The following WRNIP1 variants were observed in gnomAD, a reference collection of about 807,000 sequenced individuals.
WRNIP1 encodes ATPase WRNIP1.
WRNIP1 carries 41 observed loss-of-function variants against 56.1 expected under a neutral mutation model. That is an observed-to-expected ratio of 0.73 (90% CI 0.57 to 0.95). WRNIP1 has a LOEUF of 0.95. Ranked by LOEUF, WRNIP1 falls within the 40% of genes least tolerant of loss-of-function variation. The pLI, the probability that WRNIP1 is intolerant of heterozygous loss-of-function variation, is 0.00. For synonymous variants in WRNIP1, 547 were observed against 398.1 expected (o/e 1.37, Z -4.45); for missense variants, 1,170 against 939.4 (o/e 1.25, Z -3.21).
intron 1 of WRNIP1, 131 bp downstream of exon 1, chr6:2,766,575 G>A: frequency 1.4e-6 from 2 of 1,385,066 alleles, no homozygotes; most frequent in Non-Finnish European, 1.9e-6. Flanking sequence ...TGCAGACTTG[G>A]GCTGGGCTGG....
At chr6:2,770,884 G>T (rs941141056) in intron 3 of WRNIP1, among the ~76,000 whole-genome samples, 2 of 151,950 alleles carry the variant, frequency 1.3e-5, no homozygotes, top group Non-Finnish European at 2.9e-5. Context: ...TTGAAACTCA[G>T]TTTCATGAAA....
intron 1 of WRNIP1, among the ~76,000 whole-genome samples, chr6:2,767,495 C>T (rs1205089427): frequency 2.0e-5 from 3 of 152,204 alleles, no homozygotes; most frequent in East Asian, 1.9e-4. Flanking sequence ...AATGAATTGC[C>T]CTTTTTGTGC....
chr6:2,765,949 G>A lies in WRNIP1; in HGVS notation c.327G>A (p.Glu109=), dbSNP rs1029718497. ...ACGGCGGCGAGACCGAGAGCCGCGAGAGCTACGACGCGCCGCCCACACCCA... is the reference window on the plus strand; with the variant it reads ...ACGGCGGCGAGACCGAGAGCCGCGAAAGCTACGACGCGCCGCCCACACCCA... ...GDDGGETESR[E]SYDAPPTPSG... The change falls in exon 1 of 7, where the codon GAG becomes GAA. Residue 109 remains glutamate, a synonymous_variant. Coordinates refer to ENST00000380773, the MANE Select transcript of WRNIP1 (RefSeq NM_020135.3). 4.9e-6 allele frequency: 7 copies of A among 1,438,112 alleles called. No homozygotes were observed. The highest frequency in any genetic ancestry group is 6.4e-6 in the Non-Finnish European group (7 of 1,095,804). 89.1% of individuals were successfully genotyped at this position (1,438,112 alleles called of 1,614,324 possible).
intron 4 of WRNIP1, among the ~76,000 whole-genome samples, chr6:2,781,526 AG>A (rs1428599446): frequency 1.3e-5 from 2 of 152,210 alleles, no homozygotes; most frequent in African/African-American, 4.8e-5. Flanking sequence ...TTATAACTCC[AG>A]TGAGACAAAG....
Position 2,765,896 on chromosome 6 carries a change from A to AGCGAGG in WRNIP1, c.282_287dup (p.Gly96_Glu97dup), listed in dbSNP as rs1249654440. 7 of 1,455,514 alleles carry AGCGAGG rather than the reference A, an allele frequency of 4.8e-6. No individual in the cohort carries two copies. The highest frequency in any genetic ancestry group is 3.0e-5 in the East Asian group (1 of 33,130). The allele number at this position is 1,455,514 out of a possible 1,614,324, so 90.2% of individuals were successfully genotyped here. ...AGCCACCCCGACGGCAGCCGAGAGCAGCGAGGGCGAGGGTGAGGAGGGCGA... is the reference window on the plus strand; with the variant it reads ...AGCCACCCCGACGGCAGCCGAGAGCAGCGAGGGCGAGGGCGAGGGTGAGGAGGGCGA... On this transcript the variant is annotated inframe_insertion, in exon 1 of 7. Transcript: ENST00000380773.
chr6:2,775,645 T>A (rs1765413744), intron 3 of WRNIP1, among the ~76,000 whole-genome samples: 1 of 152,292 alleles, frequency 6.6e-6, no homozygotes, highest in East Asian at 1.9e-4. Context: ...TATTACCCAA[T>A]GTGTAGAAAG....
chr6:2,779,771 A>G (rs1289044622), intron 4 of WRNIP1, among the ~76,000 whole-genome samples: 1 of 152,242 alleles, frequency 6.6e-6, no homozygotes, highest in Non-Finnish European at 1.5e-5. Flanking sequence ...GTAGTTGGCT[A>G]TTCCCCACCT....
chr6:2,771,195 T>C (rs1481878399), intron 3 of WRNIP1, among the ~76,000 whole-genome samples: 1 of 152,226 alleles, frequency 6.6e-6, no homozygotes, highest in East Asian at 1.9e-4. Context: ...GAGGCCAAGT[T>C]CTGGAGCCAC....
At chr6:2,781,854 G>A (rs1308058788) in intron 4 of WRNIP1, among the ~76,000 whole-genome samples, 2 of 152,280 alleles carry the variant, frequency 1.3e-5, no homozygotes, top group African/African-American at 2.4e-5. Context: ...AAGTGGTCTC[G>A]TTTTTCCCAT....
At chr6:2,770,450 G>C in intron 3 of WRNIP1, 89 bp downstream of exon 3, 1 of 1,546,960 alleles carries the variant, frequency 6.5e-7, no homozygotes, top group Non-Finnish European at 8.7e-7. Flanking sequence ...CGTCAGTGAG[G>C]AGAGGGTGGG....
intron 1 of WRNIP1, among the ~76,000 whole-genome samples, chr6:2,768,111 G>A (rs1765107944): frequency 6.6e-6 from 1 of 152,196 alleles, no homozygotes; most frequent in Non-Finnish European, 1.5e-5. Flanking sequence ...TCTAGTAATT[G>A]CTAATGTGAC....
At chr6:2,783,255 G>A in intron 4 of WRNIP1, 151 bp from the exon 5 acceptor site, 2 of 752,418 alleles carry the variant, frequency 2.7e-6, no homozygotes, top group Non-Finnish European at 3.9e-6. Context: ...ACCCCACTCA[G>A]AGCACGGTTA....
intron 1 of WRNIP1, among the ~76,000 whole-genome samples, chr6:2,767,796 G>C (rs1765091728): frequency 6.6e-6 from 1 of 152,186 alleles, no homozygotes; most frequent in Non-Finnish European, 1.5e-5. Context: ...GGTTTGGGTG[G>C]TCCAGGCTGC....
At chr6:2,766,518 G>C in intron 1 of WRNIP1, 74 bp downstream of exon 1, 2 of 1,432,256 alleles carry the variant, frequency 1.4e-6, no homozygotes, top group Non-Finnish European at 1.8e-6. Context: ...GGAGAGCCGG[G>C]TGTGCTGCCC....
intron 1 of WRNIP1, among the ~76,000 whole-genome samples, chr6:2,767,255 C>G (rs552223800): frequency 2.6e-5 from 4 of 152,238 alleles, no homozygotes; most frequent in African/African-American, 9.6e-5. Flanking sequence ...AGCCAGAAAA[C>G]AGAGAAAGCT....
rs201830012 is a variant in WRNIP1, at chr6:2,765,593, C to T, written c.-30C>T. On this transcript the variant is annotated 5_prime_UTR_variant, in exon 1 of 7. Transcript: ENST00000380773. ...GCGTGCGCACGGGTTGCTGCGGCCG[C>T]GCCGGGCGCCGGGGAGGGCGGCGGC... 1.1e-3 allele frequency: 1,609 copies of T among 1,471,762 alleles called. 13 individuals carry two copies. In the African/African-American group the frequency reaches 0.019, roughly 18 times the overall value. The allele number at this position is 1,471,762 out of a possible 1,614,324, so 91.2% of individuals were successfully genotyped here. A position where few individuals can be genotyped will look rare whatever the true frequency, so the allele number is the denominator to read the frequency against.
chr6:2,766,141 T>A lies in WRNIP1; in HGVS notation c.519T>A (p.Asp173Glu). The A allele has an allele frequency of 8.1e-7, 1 of 1,241,282 alleles. No homozygotes were observed. Among genetic ancestry groups the A allele is most frequent in the Non-Finnish European group, 1.0e-6 (1 of 971,028 alleles). 76.9% of individuals were successfully genotyped at this position (1,241,282 alleles called of 1,614,324 possible). A position where few individuals can be genotyped will look rare whatever the true frequency, so the allele number is the denominator to read the frequency against. The change falls in exon 1 of 7, where the codon GAT (aspartate) becomes GAA (glutamate). Residue 173 changes from aspartate to glutamate, a missense_variant. Transcript: ENST00000380773. Reference protein sequence around the residue: ...QEEEEAVGDGDGDGDADADGE... With the variant: ...QEEEEAVGDGEGDGDADADGE... ...AGGAGGAGGCCGTGGGCGACGGCGA[T>A]GGCGACGGGGACGCGGACGCGGACG...
chr6:2,768,805 C>G lies in WRNIP1; in HGVS notation c.937C>G (p.Gln313Glu), dbSNP rs1399792053. 5 of 1,613,702 alleles carry G rather than the reference C, an allele frequency of 3.1e-6. No individual in the cohort carries two copies. Among genetic ancestry groups the G allele is most frequent in the Non-Finnish European group, 4.2e-6 (5 of 1,179,844 alleles). ...TGTGCGAGATGTCATAAAACAAGCTCAAAATGAAAAGAGCTTTTTCAAAAG... is the reference window on the plus strand; with the variant it reads ...TGTGCGAGATGTCATAAAACAAGCTGAAAATGAAAAGAGCTTTTTCAAAAG... ...NDVRDVIKQAQNEKSFFKRKT... is the reference protein window; with the variant it reads ...NDVRDVIKQAENEKSFFKRKT... Residue 313 changes from glutamine to glutamate, a missense_variant, in exon 2 of 7, where the codon CAA becomes GAA. Coordinates refer to ENST00000380773, the MANE Select transcript of WRNIP1 (RefSeq NM_020135.3).
At chr6:2,767,060 A>C (rs1328449393) in intron 1 of WRNIP1, among the ~76,000 whole-genome samples, 1 of 152,214 alleles carries the variant, frequency 6.6e-6, no homozygotes, top group African/African-American at 2.4e-5. Context: ...AGTCATTTTC[A>C]TCCGGTATTT....
Sources: gnomAD v4.1 joint callset for allele counts (sites outside exome capture counted in the v4.1 genomes callset) on GRCh38, gnomAD v4.1.1 for gene constraint, MANE v1.5 for transcripts, NCBI Gene and HGNC (gene_info 2026-07-23, HGNC 2026-07-21) for gene names.